The following CCNH variants were observed in gnomAD, a reference collection of about 807,000 sequenced individuals.
The protein encoded by CCNH is cyclin H.
Under a neutral mutation model 41.9 loss-of-function variants are expected in CCNH, and 31 were observed. The observed-to-expected ratio is 0.74, with a 90% CI of 0.56 to 1.00. The LOEUF is 1.00. Among genes scored for constraint, CCNH ranks in the 50% least tolerant of loss-of-function variants. The pLI is 0.00. For missense variants in CCNH, 362 were observed against 388.4 expected, an observed-to-expected ratio of 0.93 and a Z score of 0.57; for synonymous variants, 138 against 136.1, an observed-to-expected ratio of 1.01 and a Z score of -0.10.
chr5:87,393,331 A>G (rs566981457), downstream of CCNH: 4 of 152,134 alleles, frequency 2.6e-5, no homozygotes, highest in Non-Finnish European at 5.9e-5. Context: ...TGGTAAACAG[A>G]CGTCCACAGT....
chr5:87,360,996 C>T (rs1287132866), intron 9 of CCNH, among the ~76,000 whole-genome samples: 2 of 152,042 alleles, frequency 1.3e-5, no homozygotes, highest in South Asian at 2.1e-4. Context: ...CAAAAGATGC[C>T]GCAATACTTT....
upstream of CCNH, chr5:87,377,216 T>C: frequency 1.3e-6 from 1 of 774,262 alleles, no homozygotes; most frequent in Non-Finnish European, 2.1e-6. Flanking sequence ...TGTTGGTTAC[T>C]ATGGGAAGCT....
At chr5:87,314,167 C>G (rs761995825), downstream of CCNH, among the ~76,000 whole-genome samples, 6 of 152,066 alleles carry the variant, frequency 3.9e-5, no homozygotes, top group Admixed American at 6.5e-5. Context: ...GAGCAAAACT[C>G]TGTCTCAAAA....
Position 87,405,422 on chromosome 5 carries a change from G to A in CCNH, c.526-415C>T, listed in dbSNP as rs3093804. Among the ~76,000 whole-genome samples, 109 of 152,182 alleles carry A rather than the reference G, an allele frequency of 7.2e-4. 1 individual carries two copies. In the East Asian group the frequency reaches 0.018, roughly 25 times the overall value. On this transcript the variant is annotated intron_variant, in intron 4 of 8. Transcript: ENST00000256897. The stretch of plus-strand genomic sequence containing the variant: ...ATTTGATTAGAACACACTAGACTTC[G>A]AATTCCCACAGAAAAAGTTTTAGAG...
At chr5:87,401,602 A>G (rs1763418082) in intron 6 of CCNH, 100 bp downstream of exon 6, 1 of 748,558 alleles carries the variant, frequency 1.3e-6, no homozygotes. Flanking sequence ...AGAAATCTAA[A>G]CAAAAATCTG....
chr5:87,337,825 G>T (rs1420274374), intron 9 of CCNH: 2 of 795,796 alleles, frequency 2.5e-6, no homozygotes, highest in Non-Finnish European at 3.6e-6. Flanking sequence ...GATAATGCCA[G>T]AAATAGGATA....
At chr5:87,375,386 G>A (rs1201858951), downstream of CCNH, among the ~76,000 whole-genome samples, 2 of 151,758 alleles carry the variant, frequency 1.3e-5, no homozygotes, top group Non-Finnish European at 2.9e-5. Flanking sequence ...TCAGCCTCCT[G>A]AGTATCTGGG....
downstream of CCNH, chr5:87,371,991 T>C: frequency 1.5e-6 from 1 of 671,126 alleles, no homozygotes; most frequent in Non-Finnish European, 2.6e-6. Context: ...TACAGTATAG[T>C]CTGAGAATAG....
intron 6 of CCNH, among the ~76,000 whole-genome samples, 174 bp downstream of exon 6, chr5:87,401,528 T>C (rs1236351014): frequency 2.0e-5 from 3 of 152,332 alleles, no homozygotes; most frequent in African/African-American, 7.2e-5. Flanking sequence ...TCCTTCTATA[T>C]ACCTTCTATT....
intron 9 of CCNH, among the ~76,000 whole-genome samples, chr5:87,339,675 A>T (rs13171860): frequency 3.2e-4 from 48 of 152,190 alleles, no homozygotes; most frequent in Non-Finnish European, 6.2e-4. Context: ...ATGACCTCAC[A>T]TCAGTACAAG....
chr5:87,411,550 CACG>C (rs1764243917), intron 1 of CCNH, among the ~76,000 whole-genome samples: 1 of 152,204 alleles, frequency 6.6e-6, no homozygotes, highest in African/African-American at 2.4e-5. Context: ...ACCATCATTT[CACG>C]ACTTTTCGGA....
At chr5:87,386,225 T>C (rs1371957787) in intron 9 of CCNH, among the ~76,000 whole-genome samples, 3 of 152,026 alleles carry the variant, frequency 2.0e-5, no homozygotes, top group Non-Finnish European at 4.4e-5. Flanking sequence ...CCTTATCTCA[T>C]TGAGTTTCTT....
intron 7 of CCNH, among the ~76,000 whole-genome samples, chr5:87,397,931 G>A (rs142466277): frequency 6.4e-4 from 98 of 152,206 alleles, no homozygotes; most frequent in Non-Finnish European, 1.0e-3. Context: ...GAATAGGTGT[G>A]CTACATTCCA....
chr5:87,384,109 T>C (rs1050044926), intron 9 of CCNH, among the ~76,000 whole-genome samples: 2 of 152,152 alleles, frequency 1.3e-5, no homozygotes, highest in African/African-American at 4.8e-5. Context: ...GGGAAGAGCT[T>C]TGCTTAGCCC....
chr5:87,387,695 G>GCAAA (rs1282074277), downstream of CCNH, among the ~76,000 whole-genome samples: 3 of 152,062 alleles, frequency 2.0e-5, no homozygotes, highest in Non-Finnish European at 4.4e-5. Context: ...ACAATTTGTG[G>GCAAA]CAAACAAATC....
chr5:87,397,158 AT>A (rs949846247), intron 7 of CCNH, among the ~76,000 whole-genome samples: 5 of 148,720 alleles, frequency 3.4e-5, no homozygotes, highest in East Asian at 3.9e-4. Context: ...GTGTTTCATA[AT>A]TTTTTTTTTG....
At chr5:87,344,986 C>T (rs1481694195) in intron 9 of CCNH, among the ~76,000 whole-genome samples, 1 of 152,064 alleles carries the variant, frequency 6.6e-6, no homozygotes, top group African/African-American at 2.4e-5. Context: ...TTGGCAATAC[C>T]TATCACTGTG....
downstream of CCNH, chr5:87,376,134 C>T: frequency 2.0e-6 from 1 of 503,210 alleles, no homozygotes; most frequent in South Asian, 2.1e-5. Flanking sequence ...TGATTTCTTG[C>T]CTTCTTGACT....
At chr5:87,321,985 CTA>C (rs1756850598) in intron 9 of CCNH, among the ~76,000 whole-genome samples, 1 of 152,118 alleles carries the variant, frequency 6.6e-6, no homozygotes, top group South Asian at 2.1e-4. Context: ...TAATAAAAGA[CTA>C]TAACAAGGGT....
Sources: gnomAD v4.1 joint callset for allele counts (sites outside exome capture counted in the v4.1 genomes callset) on GRCh38, gnomAD v4.1.1 for gene constraint, MANE v1.5 for transcripts, NCBI Gene and HGNC (gene_info 2026-07-23, HGNC 2026-07-21) for gene names.